RPH3AL: variants seen among roughly 807,000 people sequenced by gnomAD.
RPH3AL encodes the protein rab effector Noc2.
A neutral mutation model predicts 43.1 loss-of-function variants in RPH3AL; 38 were observed. The ratio of observed to expected loss-of-function variants is 0.88; its 90% confidence interval spans 0.68 to 1.15. The LOEUF (loss-of-function observed/expected upper bound fraction) is 1.15, where lower values mean the gene tolerates loss of function less well. Ranked by LOEUF, RPH3AL falls within the 50% of genes most tolerant of loss-of-function variation. The probability of loss-of-function intolerance (pLI) is 0.00; values close to 1 mark genes in which losing one functional copy is unlikely to be tolerated. For synonymous variants in RPH3AL, 189 were observed against 176.3 expected, an observed-to-expected ratio of 1.07 and a Z score of -0.57; for missense variants, 462 against 423.2, an observed-to-expected ratio of 1.09 and a Z score of -0.81.
chr17:281,757 G>A lies in RPH3AL; in HGVS notation c.438+11C>T. 1 of 1,602,356 alleles carries A rather than the reference G, an allele frequency of 6.2e-7. No individual in the cohort carries two copies. The highest frequency in any genetic ancestry group is 8.5e-7 in the Non-Finnish European group (1 of 1,173,172). On this transcript the variant is annotated intron_variant, in intron 6 of 9. Coordinates refer to ENST00000331302, the MANE Select transcript of RPH3AL (RefSeq NM_006987.4). ...ACTCAGCCCTCCCCACCGTCACCCTGGACGCCCTACCTCTCTTTGCTCACT... is the reference window on the plus strand; with the variant it reads ...ACTCAGCCCTCCCCACCGTCACCCTAGACGCCCTACCTCTCTTTGCTCACT...
chr17:345,506 G>A lies in RPH3AL; in HGVS notation c.-213+7206C>T, dbSNP rs544323163. Among the ~76,000 whole-genome samples the A allele has an allele frequency of 3.8e-4, 51 of 135,066 alleles. 8 individuals carry two copies. Among genetic ancestry groups the A allele is most frequent in the African/African-American group, 1.3e-3 (50 of 39,470 alleles). The allele number at this position is 135,066 out of a possible 152,430, so 88.6% of individuals were successfully genotyped here. Reference sequence around the variant, plus strand: ...TGGGGTTTCTACGCCTGTATAGCCAGGCTTGGAGAAACAGAAACAGCCACC... The same window carrying A: ...TGGGGTTTCTACGCCTGTATAGCCAAGCTTGGAGAAACAGAAACAGCCACC... On this transcript the variant is annotated intron_variant, in intron 1 of 9. Transcript: ENST00000331302.
chr17:243,041 A>ATTGAATACCT (rs1567577342), intron 7 of RPH3AL, among the ~76,000 whole-genome samples: 4 of 62,860 alleles, frequency 6.4e-5, no homozygotes, highest in Admixed American at 4.7e-4. Flanking sequence ...ATTGAATACC[A>ATTGAATACCT]TCCTCTATTG....
chr17:269,858 G>A (rs546504848), intron 6 of RPH3AL, among the ~76,000 whole-genome samples: 7 of 152,206 alleles, frequency 4.6e-5, no homozygotes, highest in Non-Finnish European at 7.3e-5. Flanking sequence ...GTGCACAGAC[G>A]TGGGCTCAGG....
chr17:300,719 T>G (rs1325860163), intron 5 of RPH3AL, among the ~76,000 whole-genome samples: 12 of 128,856 alleles, frequency 9.3e-5, no homozygotes, highest in East Asian at 3.3e-4. Context: ...ACCTGCAGAA[T>G]CTCTCACCCA....
At chr17:308,769 G>A (rs896114526) in intron 5 of RPH3AL, among the ~76,000 whole-genome samples, 1 of 152,074 alleles carries the variant, frequency 6.6e-6, no homozygotes, top group African/African-American at 2.4e-5. Flanking sequence ...TGAGGTCCTC[G>A]GCCCACACTT....
chr17:228,385 G>A (rs8081881), intron 7 of RPH3AL, among the ~76,000 whole-genome samples: 128,793 of 151,912 alleles, frequency 0.85, 54,848 homozygotes, highest in Non-Finnish European at 0.88. Flanking sequence ...CGCCTGCGGA[G>A]AGGGGGATGG....
At chr17:224,485 C>G (rs2041062360) in intron 7 of RPH3AL, among the ~76,000 whole-genome samples, 1 of 152,202 alleles carries the variant, frequency 6.6e-6, no homozygotes, top group African/African-American at 2.4e-5. Flanking sequence ...TCACCTGTGC[C>G]CTGGCTGGCT....
At chr17:334,658 C>T (rs1297160917) in intron 1 of RPH3AL, among the ~76,000 whole-genome samples, 2 of 140,422 alleles carry the variant, frequency 1.4e-5, no homozygotes, top group Non-Finnish European at 3.1e-5. Flanking sequence ...CACGCCTTCC[C>T]CCAGGGCCAG....
chr17:317,507 C>G (rs565595864), intron 5 of RPH3AL, among the ~76,000 whole-genome samples: 1 of 149,112 alleles, frequency 6.7e-6, no homozygotes, highest in Non-Finnish European at 1.5e-5. Flanking sequence ...CCTGTAGTCC[C>G]TGTGCCCCCA....
chr17:236,231 C>T (rs553745307), intron 7 of RPH3AL, among the ~76,000 whole-genome samples: 4 of 152,354 alleles, frequency 2.6e-5, no homozygotes, highest in Non-Finnish European at 5.9e-5. Flanking sequence ...TACCTCTGGG[C>T]TTGAATGCTG....
rs894513299 is a variant in RPH3AL at position 215,870 on chromosome 17, C to T, written c.728-68G>A. ...ACGGGGTGATCTCAGTCCAGTTCCTCGTTTGGAACTCTAGATCTCTATGGG... is the reference window on the plus strand; with the variant it reads ...ACGGGGTGATCTCAGTCCAGTTCCTTGTTTGGAACTCTAGATCTCTATGGG... On this transcript the variant is annotated intron_variant, in intron 8 of 9. Coordinates refer to ENST00000331302, the MANE Select transcript of RPH3AL (RefSeq NM_006987.4). The surrounding 1 kb of genome is among the most constrained non-coding windows in gnomAD (Gnocchi z 4.1). The T allele has an allele frequency of 2.4e-6, 3 of 1,269,616 alleles. No individual in the cohort carries two copies. The highest frequency in any genetic ancestry group is 3.1e-5 in the East Asian group (1 of 31,938). 78.6% of individuals were successfully genotyped at this position (1,269,616 alleles called of 1,614,324 possible).
At chr17:321,184 G>A (rs1358546238) in intron 4 of RPH3AL, 88 bp downstream of exon 4, 2 of 1,485,510 alleles carry the variant, frequency 1.3e-6, no homozygotes, top group Non-Finnish European at 1.8e-6. Context: ...AGCAAAACCA[G>A]GACCCGGAGT....
At chr17:239,949 G>T (rs115978376) in intron 7 of RPH3AL, among the ~76,000 whole-genome samples, 2 of 152,180 alleles carry the variant, frequency 1.3e-5, no homozygotes, top group African/African-American at 4.8e-5. Flanking sequence ...ATTAGAAAGA[G>T]TTTTTTGGCC....
At chr17:315,348 GACT>G (rs2043953339) in intron 5 of RPH3AL, among the ~76,000 whole-genome samples, 2 of 92,706 alleles carry the variant, frequency 2.2e-5, no homozygotes, top group African/African-American at 4.1e-5. Context: ...TAGTCCCTGT[GACT>G]CCACTTCCAC....
intron 6 of RPH3AL, among the ~76,000 whole-genome samples, chr17:271,987 C>CA (rs1434949343): frequency 7.2e-5 from 11 of 152,034 alleles, no homozygotes; most frequent in Admixed American, 5.9e-4. Context: ...TTTATGCAGC[C>CA]AAAAAACACA....
intron 6 of RPH3AL, among the ~76,000 whole-genome samples, chr17:268,565 T>G (rs1423371797): frequency 7.5e-6 from 1 of 134,112 alleles, no homozygotes; most frequent in African/African-American, 2.8e-5. Context: ...TTTTTTTTTT[T>G]TTTTTTTTTT....
chr17:343,914 G>A (rs2045181251), intron 1 of RPH3AL, among the ~76,000 whole-genome samples: 1 of 93,696 alleles, frequency 1.1e-5, no homozygotes, highest in South Asian at 3.6e-4. Context: ...GGGCCATCAT[G>A]GCCATCCTCA....
At chr17:272,095 G>C (rs2042477652) in intron 6 of RPH3AL, among the ~76,000 whole-genome samples, 2 of 152,206 alleles carry the variant, frequency 1.3e-5, no homozygotes, top group African/African-American at 4.8e-5. Flanking sequence ...TGATTAAAAA[G>C]TCAGAAAACA....
At chr17:351,005 C>T (rs1231168591) in intron 1 of RPH3AL, among the ~76,000 whole-genome samples, 1 of 152,144 alleles carries the variant, frequency 6.6e-6, no homozygotes, top group East Asian at 1.9e-4. Flanking sequence ...CATCTCCTCC[C>T]AGCCCAGCCA....
Sources: gnomAD v4.1 joint callset for allele counts (sites outside exome capture counted in the v4.1 genomes callset) on GRCh38, gnomAD v4.1.1 for gene constraint, Gnocchi (gnomAD v3.1) non-coding constraint, MANE v1.5 for transcripts, NCBI Gene and HGNC (gene_info 2026-07-23, HGNC 2026-07-21) for gene names.